The following MEX3B variants were observed in gnomAD, a reference collection of about 807,000 sequenced individuals.
MEX3B encodes the protein RNA-binding protein MEX3B.
Under a neutral mutation model 12.2 loss-of-function variants are expected in MEX3B, and 10 were observed. That is an observed-to-expected ratio of 0.82 (90% CI 0.51 to 1.40). The LOEUF (loss-of-function observed/expected upper bound fraction) is 1.40. Ranked by LOEUF, MEX3B falls within the 40% of genes most tolerant of loss-of-function variation. The pLI is 0.00. For missense variants in MEX3B, 839 were observed against 801.4 expected (o/e 1.05, Z -0.57); for synonymous variants, 498 against 356.3 (o/e 1.40, Z -4.48).
Position 82,043,643 on chromosome 15 carries a change from C to G in MEX3B, c.1227G>C (p.Val409=). The G allele has an allele frequency of 6.2e-7, 1 of 1,609,252 alleles. No homozygotes were observed. Among genetic ancestry groups the G allele is most frequent in the Non-Finnish European group, 8.5e-7 (1 of 1,177,960 alleles). The change falls in exon 2 of 2, where the codon GTG becomes GTC. Residue 409 remains valine (V), a synonymous_variant. Transcript: ENST00000329713. ...SASSSASSSS[V]VFPGGGASAP... is the part of the protein sequence containing the mutation. Reference sequence around the variant, plus strand: ...CACTGGCGCCACCCCCGGGGAAGACCACGGAGGAGGAAGAAGCAGACGAAG... The same window carrying G: ...CACTGGCGCCACCCCCGGGGAAGACGACGGAGGAGGAAGAAGCAGACGAAG...
In MEX3B at chr15:82,045,545, A is replaced by G. The variant is rs775527247; in HGVS notation, c.161T>C (p.Leu54Pro). Residue 54 changes from leucine to proline, a missense_variant, in exon 1 of 2, where the codon CTG becomes CCG. Physicochemically the swap from Leu to Pro is moderately conservative, Grantham distance 98. Coordinates refer to ENST00000329713, the MANE Select transcript of MEX3B (RefSeq NM_032246.6). The stretch of plus-strand genomic sequence containing the variant: ...CTTCTTGCGCGGCTCGCTGTCGTAC[A>G]GAGAGGCGCCCTCGTCACTGTCCAG... ...LGLDSDEGAS[L>P]YDSEPRKKSV... 8 of 1,612,168 alleles carry G rather than the reference A, an allele frequency of 5.0e-6. No individual in the cohort carries two copies. The highest frequency in any genetic ancestry group is 3.3e-5 in the Admixed American group (2 of 59,972).
chr15:82,045,555 C>T lies in MEX3B; in HGVS notation c.151G>A (p.Gly51Ser), dbSNP rs773811323. The change falls in exon 1 of 2, where the codon GGC (glycine) becomes AGC (serine). Residue 51 changes from glycine (G) to serine (S), a missense_variant. Gly to Ser is a moderately conservative substitution (Grantham distance 56, BLOSUM62 0). Around this residue, in one of 3 missense-constraint regions of MEX3B, gnomAD observed 214 missense variants for 223.8 expected, o/e 0.96. Coordinates refer to ENST00000329713, the MANE Select transcript of MEX3B (RefSeq NM_032246.6). ...GGCTCGCTGTCGTACAGAGAGGCGC[C>T]CTCGTCACTGTCCAGCCCCAGCAGG... ...LSLLGLDSDE[G>S]ASLYDSEPRK... The T allele has an allele frequency of 1.4e-5, 23 of 1,611,714 alleles. No individual in the cohort carries two copies. Among genetic ancestry groups the T allele is most frequent in the East Asian group, 2.2e-5 (1 of 44,826 alleles).
Position 82,043,508 on chromosome 15 carries a change from G to C in MEX3B, c.1362C>G (p.His454Gln), listed in dbSNP as rs1042772453. ...PLHMAPGAGE[H>Q]HLARRVRSDP... ...CGCTGCGCACCCGGCGAGCCAGGTG[G>C]TGCTCTCCCGCCCCCGGGGCCATGT... Residue 454 changes from histidine to glutamine, a missense_variant, in exon 2 of 2, where the codon CAC (histidine) becomes CAG (glutamine). Coordinates refer to ENST00000329713, the MANE Select transcript of MEX3B (RefSeq NM_032246.6). 1 of 1,518,870 alleles carries C rather than the reference G, an allele frequency of 6.6e-7. No individual in the cohort carries two copies. Among genetic ancestry groups the C allele is most frequent in the African/African-American group, 1.4e-5 (1 of 72,088 alleles). The allele number at this position is 1,518,870 out of a possible 1,614,324, so 94.1% of individuals were successfully genotyped here. A position where few individuals can be genotyped will look rare whatever the true frequency, so the allele number is the denominator to read the frequency against.
Position 82,045,498 on chromosome 15 carries a change from C to T in MEX3B, c.208G>A (p.Val70Met). ...RKKSVNMTEC[V>M]PVPSSEHVAE... ...ACATGCTCAGAACTGGGTACTGGCA[C>T]GCACTCGGTCATGTTCACGCTCTTC... Residue 70 changes from valine to methionine, a missense_variant, in exon 1 of 2, where the codon GTG becomes ATG. Val to Met is a conservative substitution (Grantham distance 21, BLOSUM62 1). This residue lies in a region of MEX3B where 214 missense variants were observed against 223.8 expected (regional missense o/e 0.96). Coordinates refer to ENST00000329713, the MANE Select transcript of MEX3B (RefSeq NM_032246.6). 1 of 1,612,826 alleles carries T rather than the reference C, an allele frequency of 6.2e-7. No individual in the cohort carries two copies.
At position 82,045,634 on chromosome 15, in the gene MEX3B, C is replaced by T. The variant is rs771751823; in HGVS notation, c.72G>A (p.Gly24=). Residue 24 remains glycine, a synonymous_variant, in exon 1 of 2, where the codon GGG becomes GGA. Coordinates refer to ENST00000329713, the MANE Select transcript of MEX3B (RefSeq NM_032246.6). ...CTCTTTGGTCATCCAGGGTCTCTCC[C>T]CCTCCGCTGCTGCCGCCGCCGCCGC... The part of the protein sequence containing the change: ...SGGGGGGSSG[G]GETLDDQRAL... 7.5e-6 allele frequency: 12 copies of T among 1,590,234 alleles called. No individual in the cohort carries two copies. The East Asian group carries it at 1.6e-4, about 21-fold the overall frequency.
rs746112733 is a variant in MEX3B, at chr15:82,043,399, A to T, written c.1471T>A (p.Ser491Thr). 9.5e-6 allele frequency: 15 copies of T among 1,580,990 alleles called. No homozygotes were observed. The highest frequency in any genetic ancestry group is 1.3e-5 in the Non-Finnish European group (15 of 1,163,524). The change falls in exon 2 of 2, where the codon TCG becomes ACG. Residue 491 changes from serine to threonine, a missense_variant. Coordinates refer to ENST00000329713, the MANE Select transcript of MEX3B (RefSeq NM_032246.6). The part of the protein sequence containing the change: ...QLPGLQPSDT[S>T]GSSSSSSSSS... ...GAGCTGGACGAAGAGGAGGAGCCCG[A>T]CGTGTCCGACGGCTGCAAGCCAGGC...
chr15:82,045,254 A>G (rs2073249463), intron 1 of MEX3B, 196 bp downstream of exon 1: 2 of 726,540 alleles, frequency 2.8e-6, no homozygotes, highest in Admixed American at 4.1e-5. Context: ...GCATCCCGCC[A>G]GGGCAGCGGC....
In MEX3B at chr15:82,044,763, G is replaced by A. The variant is rs1177554216; in HGVS notation, c.257-150C>T. On this transcript the variant is annotated intron_variant, in intron 1 of 1. Transcript: ENST00000329713. The surrounding 1 kb of genome is among the most constrained non-coding windows in gnomAD (Gnocchi z 5.3). Reference sequence around the variant, plus strand: ...GCGGAAAGGGGGCGTCTCCCTCACTGACCTCGGGCCGCGCCACGGGCTGGG... The same window carrying A: ...GCGGAAAGGGGGCGTCTCCCTCACTAACCTCGGGCCGCGCCACGGGCTGGG... The A allele has an allele frequency of 2.6e-6, 2 of 775,088 alleles. No individual in the cohort carries two copies. Among genetic ancestry groups the A allele is most frequent in the East Asian group, 2.7e-5 (1 of 37,482 alleles). The allele number at this position is 775,088 out of a possible 1,614,324, so 48.0% of individuals were successfully genotyped here.
Position 82,044,483 on chromosome 15 carries a change from A to C in MEX3B, c.387T>G (p.Ser129=). The C allele has an allele frequency of 6.2e-7, 1 of 1,614,044 alleles. No homozygotes were observed. The highest frequency in any genetic ancestry group is 1.1e-5 in the South Asian group (1 of 91,082). The part of the protein sequence containing the change: ...DVAMARREII[S]AAEHFSMIRA... ...GGATCATGGAGAAGTGCTCGGCAGC[A>C]GAGATGATCTCCCTCCGAGCCATGG... The change falls in exon 2 of 2, where the codon TCT becomes TCG. Residue 129 remains serine (S), a synonymous_variant. Transcript: ENST00000329713. The surrounding 1 kb of genome is among the most constrained non-coding windows in gnomAD (Gnocchi z 5.3).
rs781629981 is a variant in MEX3B at position 82,045,379 on chromosome 15, C to A, written c.256+71G>T. ...GCCGCGGATCCCGATACTGAACACG[C>A]CTTCCCCTCGAGGCAGTGGCCTGAG... On this transcript the variant is annotated intron_variant, in intron 1 of 1. Coordinates refer to ENST00000329713, the MANE Select transcript of MEX3B (RefSeq NM_032246.6). 7.2e-6 allele frequency: 11 copies of A among 1,521,446 alleles called. No individual in the cohort carries two copies. The Middle Eastern group carries it at 1.3e-3, about 186-fold the overall frequency. The allele number at this position is 1,521,446 out of a possible 1,614,324, so 94.2% of individuals were successfully genotyped here.
At position 82,044,542 on chromosome 15, in the gene MEX3B, C is replaced by A; in HGVS notation, c.328G>T (p.Val110Phe). Reference sequence around the variant, plus strand: ...TCCTTCCTGCCCGTCACAACAAAGACAGGCTCCTCCCCGCGAACTGGGGTC... The same window carrying A: ...TCCTTCCTGCCCGTCACAACAAAGAAAGGCTCCTCCCCGCGAACTGGGGTC... The part of the protein sequence containing the change: ...IKTPVRGEEP[V>F]FVVTGRKEDV... Residue 110 changes from valine (V) to phenylalanine (F), a missense_variant, in exon 2 of 2, where the codon GTC (valine) becomes TTC (phenylalanine). This residue lies in a region of MEX3B where 214 missense variants were observed against 223.8 expected (regional missense o/e 0.96). Transcript: ENST00000329713. This position sits in a 1 kb window ranked among gnomAD's most constrained non-coding sequence, Gnocchi z 5.3. 6.2e-7 allele frequency: 1 copy of A among 1,614,230 alleles called. No individual in the cohort carries two copies. Among genetic ancestry groups the A allele is most frequent in the Non-Finnish European group, 8.5e-7 (1 of 1,180,048 alleles).
rs773973350 is a variant in MEX3B at position 82,045,632 on chromosome 15, C to T, written c.74G>A (p.Gly25Glu). ...GGCTCTTTGGTCATCCAGGGTCTCT[C>T]CCCCTCCGCTGCTGCCGCCGCCGCC... ...GGGGGGSSGG[G>E]ETLDDQRALQ... The change falls in exon 1 of 2, where the codon GGA becomes GAA. Residue 25 changes from glycine to glutamate, a missense_variant. Physicochemically the swap from Gly to Glu is moderately conservative, Grantham distance 98. Transcript: ENST00000329713. 3 of 1,592,914 alleles carry T rather than the reference C, an allele frequency of 1.9e-6. No individual in the cohort carries two copies. The highest frequency in any genetic ancestry group is 1.7e-6 in the Non-Finnish European group (2 of 1,173,472).
At chr15:82,045,015 G>C (rs1192626900) in intron 1 of MEX3B, 3 of 588,244 alleles carry the variant, frequency 5.1e-6, no homozygotes, top group East Asian at 5.7e-5. Context: ...CTGGGGGTAG[G>C]GGGTGGGGTG....
In MEX3B at chr15:82,043,775, C is replaced by T. The variant is rs758183712; in HGVS notation, c.1095G>A (p.Pro365=). ...GTGCCCCAGGTGGGGGAGCGGGAGC[C>T]GGGTCAAAAGTGGGCTGCAGCTCGG... The part of the protein sequence containing the change: ...GCPELQPTFD[P]APAPPPGAPL... The change falls in exon 2 of 2, where the codon CCG becomes CCA. Residue 365 remains proline (P), a synonymous_variant. Transcript: ENST00000329713. The T allele has an allele frequency of 5.1e-6, 8 of 1,571,412 alleles. No individual in the cohort carries two copies. The highest frequency in any genetic ancestry group is 1.8e-4 in the Middle Eastern group (1 of 5,612).
Position 82,045,540 on chromosome 15 carries a change from C to A in MEX3B, c.166G>T (p.Asp56Tyr). 6 of 1,612,340 alleles carry A rather than the reference C, an allele frequency of 3.7e-6. No individual in the cohort carries two copies. Among genetic ancestry groups the A allele is most frequent in the Non-Finnish European group, 5.1e-6 (6 of 1,179,838 alleles). The change falls in exon 1 of 2, where the codon GAC becomes TAC. Residue 56 changes from aspartate to tyrosine, a missense_variant. Coordinates refer to ENST00000329713, the MANE Select transcript of MEX3B (RefSeq NM_032246.6). ...ACGCTCTTCTTGCGCGGCTCGCTGT[C>A]GTACAGAGAGGCGCCCTCGTCACTG... ...LDSDEGASLYDSEPRKKSVNM... is the reference protein window; with the variant it reads ...LDSDEGASLYYSEPRKKSVNM...
chr15:82,045,659 C>CCGCCGCTGCCGT lies in MEX3B; in HGVS notation c.35_46dup (p.Gly15_Gly16insAspGlySerGly). Reference sequence around the variant, plus strand: ...CCCTCCGCTGCTGCCGCCGCCGCCGCCGCCGCTGCCGTTGCGCTCCAGGTC... The same window carrying CCGCCGCTGCCGT: ...CCCTCCGCTGCTGCCGCCGCCGCCGCCGCCGCTGCCGTCGCCGCTGCCGTTGCGCTCCAGGTC... On this transcript the variant is annotated inframe_insertion, in exon 1 of 2. Transcript: ENST00000329713. The CCGCCGCTGCCGT allele has an allele frequency of 6.4e-7, 1 of 1,562,188 alleles. No individual in the cohort carries two copies. The highest frequency in any genetic ancestry group is 8.6e-7 in the Non-Finnish European group (1 of 1,159,586).
In MEX3B at chr15:82,043,967, G is replaced by A; in HGVS notation, c.903C>T (p.Phe301=). 3 of 1,609,060 alleles carry A rather than the reference G, an allele frequency of 1.9e-6. No individual in the cohort carries two copies. The highest frequency in any genetic ancestry group is 1.3e-5 in the African/African-American group (1 of 74,960). ...CTGCGCTGCTGCTGGTCCCGCCGCC[G>A]AAATAAGAGTCTGTGGAAGCACTGC... ...SLGSASTDSY[F]GGGTSSSAAA... Residue 301 remains phenylalanine (F), a synonymous_variant, in exon 2 of 2, where the codon TTC becomes TTT. Transcript: ENST00000329713.
rs1318725207 is a variant in MEX3B at position 82,044,580 on chromosome 15, T to C, written c.290A>G (p.Asn97Ser). 1.2e-6 allele frequency: 2 copies of C among 1,614,170 alleles called. No homozygotes were observed. Among genetic ancestry groups the C allele is most frequent in the South Asian group, 1.1e-5 (1 of 91,082 alleles). The change falls in exon 2 of 2, where the codon AAT (asparagine) becomes AGT (serine). Residue 97 changes from asparagine (N) to serine (S), a missense_variant. Transcript: ENST00000329713. The surrounding 1 kb of genome is among the most constrained non-coding windows in gnomAD (Gnocchi z 5.3). The part of the protein sequence containing the change: ...CKIKALRAKT[N>S]TYIKTPVRGE... Reference sequence around the variant, plus strand: ...GCGAACTGGGGTCTTGATGTAAGTATTGGTCTTCGCCCGCAGCGCTTTGAT... The same window carrying C: ...GCGAACTGGGGTCTTGATGTAAGTACTGGTCTTCGCCCGCAGCGCTTTGAT...
In MEX3B at chr15:82,044,106, C is replaced by T. The variant is rs1394282127; in HGVS notation, c.764G>A (p.Gly255Glu). The change falls in exon 2 of 2, where the codon GGG becomes GAG. Residue 255 changes from glycine (G) to glutamate (E), a missense_variant. Physicochemically the swap from Gly to Glu is moderately conservative, Grantham distance 98. Around this residue, in one of 3 missense-constraint regions of MEX3B, gnomAD observed 573 missense variants for 488.9 expected, o/e 1.17. Coordinates refer to ENST00000329713, the MANE Select transcript of MEX3B (RefSeq NM_032246.6). The surrounding 1 kb of genome is among the most constrained non-coding windows in gnomAD (Gnocchi z 5.3). ...GTDVGFDLHH[G>E]SGGSGPGSLW... ...GCTGCCTGGGCCGGACCCGCCGGAC[C>T]CATGATGCAGATCGAAGCCCACATC... 1.2e-6 allele frequency: 2 copies of T among 1,612,940 alleles called. No individual in the cohort carries two copies. The highest frequency in any genetic ancestry group is 1.7e-6 in the Non-Finnish European group (2 of 1,179,942).
Sources: gnomAD v4.1 joint callset for allele counts on GRCh38, gnomAD v4.1.1 for gene constraint, gnomAD v4.1.1 regional missense constraint, Gnocchi (gnomAD v3.1) non-coding constraint, MANE v1.5 for transcripts, NCBI Gene and HGNC (gene_info 2026-07-23, HGNC 2026-07-21) for gene names.